Variants in STOX2 observed in about 807,000 individuals in gnomAD.
STOX2 encodes the protein storkhead box 2.
In STOX2, 28 loss-of-function variants were observed where a neutral mutation model predicts 60.9. That is an observed-to-expected ratio of 0.46 (90% CI 0.34 to 0.63). The LOEUF is 0.63. STOX2 is among the 30% of genes least tolerant of loss of function. The probability of loss-of-function intolerance (pLI) is 0.01; values close to 1 mark genes in which losing one functional copy is unlikely to be tolerated. For synonymous variants in STOX2, 472 were observed against 463.9 expected (o/e 1.02, Z -0.22); for missense variants, 1,024 against 1,187.7 (o/e 0.86, Z 2.03).
upstream of STOX2, among the ~76,000 whole-genome samples, chr4:183,902,223 A>G (rs1436492328): frequency 6.6e-6 from 1 of 152,212 alleles, no homozygotes; most frequent in Non-Finnish European, 1.5e-5. Context: ...AAATTCATTC[A>G]ACTGTAGCAA....
At chr4:183,931,820 A>G (rs951306461) in intron 1 of STOX2, among the ~76,000 whole-genome samples, 1 of 152,236 alleles carries the variant, frequency 6.6e-6, no homozygotes, top group Non-Finnish European at 1.5e-5. Context: ...TGGTTACCCT[A>G]TGCATGAGGG....
intron 1 of STOX2, among the ~76,000 whole-genome samples, chr4:183,966,104 G>A (rs1196447201): frequency 6.6e-6 from 1 of 152,044 alleles, no homozygotes; most frequent in East Asian, 1.9e-4. Flanking sequence ...AAGACAGGTG[G>A]GTCAGGCAAT....
chr4:183,804,516 G>A (rs541193852), intron 1 of STOX2, among the ~76,000 whole-genome samples: 1 of 152,350 alleles, frequency 6.6e-6, no homozygotes, highest in African/African-American at 2.4e-5. Flanking sequence ...GGTCCTGTGG[G>A]GCCGTGTGGG....
chr4:183,923,117 C>T (rs1296820041), intron 1 of STOX2, among the ~76,000 whole-genome samples: 1 of 152,218 alleles, frequency 6.6e-6, no homozygotes, highest in Admixed American at 6.5e-5. Context: ...CAAGTCCCTG[C>T]TTCAGTTCCT....
At chr4:183,862,325 GC>G (rs1740468249) in intron 1 of STOX2, among the ~76,000 whole-genome samples, 1 of 152,124 alleles carries the variant, frequency 6.6e-6, no homozygotes, top group African/African-American at 2.4e-5. Flanking sequence ...ACAGGCACAT[GC>G]CATCACCCCT....
intron 1 of STOX2, among the ~76,000 whole-genome samples, chr4:183,970,139 C>CGT (rs3042606): frequency 0.18 from 22,596 of 126,730 alleles, 2,025 homozygotes; most frequent in Middle Eastern, 0.25. Context: ...ACTACATGTA[C>CGT]GTGTGTGTGT....
In STOX2 at chr4:183,897,192, T is replaced by C. The variant is rs962204944; in HGVS notation, c.364+99137T>C. Among the ~76,000 whole-genome samples the C allele has an allele frequency of 2.0e-5, 3 of 152,224 alleles. No individual in the cohort carries two copies. In the East Asian group the frequency reaches 5.8e-4, roughly 29 times the overall value. ...AATTCCTACTCTTTTCCTCAACCTG[T>C]AGAGGTTTGGTGACTCAAATCAACT... On this transcript the variant is annotated intron_variant, in intron 1 of 2. Transcript: ENST00000513034.
At chr4:183,826,280 C>T (rs571653075) in intron 1 of STOX2, among the ~76,000 whole-genome samples, 2 of 152,268 alleles carry the variant, frequency 1.3e-5, no homozygotes, top group East Asian at 3.9e-4. Flanking sequence ...CTCATCACCA[C>T]TGCTAGTCCT....
intron 1 of STOX2, among the ~76,000 whole-genome samples, chr4:183,805,546 G>A (rs906363470): frequency 9.2e-5 from 14 of 152,276 alleles, no homozygotes; most frequent in Middle Eastern, 3.4e-3. Context: ...GGTGGCTCAC[G>A]CCTATAATCC....
rs111612658 is a variant in STOX2 at position 183,816,882 on chromosome 4, C to G, written c.364+18827C>G. On this transcript the variant is annotated intron_variant, in intron 1 of 2. Transcript: ENST00000513034. The stretch of plus-strand genomic sequence containing the variant: ...TTTTGTGTCTGCCAAAACTTCTTTG[C>G]AGAGGAAATGGGGATGAAATTCCAG... 8.9e-3 allele frequency among the ~76,000 whole-genome samples: 1,361 copies of G among 152,278 alleles called. 28 individuals carry two copies. The highest frequency in any genetic ancestry group is 0.03 in the African/African-American group (1,266 of 41,534).
At chr4:183,938,669 CAAAAAAAAAA>C (rs10577405) in intron 1 of STOX2, among the ~76,000 whole-genome samples, 15 of 82,510 alleles carry the variant, frequency 1.8e-4, no homozygotes, top group African/African-American at 5.4e-4. Flanking sequence ...ACTCCGTCTC[CAAAAAAAAAA>C]AAAAAAAAAA....
intron 1 of STOX2, among the ~76,000 whole-genome samples, chr4:183,974,918 T>A (rs538914481): frequency 6.6e-6 from 1 of 152,164 alleles, no homozygotes; most frequent in South Asian, 2.1e-4. Context: ...TCAGGGAGCA[T>A]TCAGAAAAAT....
At chr4:183,925,482 C>A (rs55988934) in intron 1 of STOX2, among the ~76,000 whole-genome samples, 3 of 152,088 alleles carry the variant, frequency 2.0e-5, no homozygotes, top group Non-Finnish European at 2.9e-5. Flanking sequence ...CTTCCCCGGC[C>A]CCTCCCCCGG....
intron 1 of STOX2, among the ~76,000 whole-genome samples, chr4:183,823,981 G>A (rs73010516): frequency 0.019 from 2,872 of 152,228 alleles, 101 homozygotes; most frequent in African/African-American, 0.066. Flanking sequence ...TCCCAGATAC[G>A]CAGACATGTG....
At chr4:183,862,261 T>A (rs1338398791) in intron 1 of STOX2, among the ~76,000 whole-genome samples, 1 of 152,170 alleles carries the variant, frequency 6.6e-6, no homozygotes, top group Non-Finnish European at 1.5e-5. Flanking sequence ...TTGCAACCTC[T>A]GCCTCCTGGG....
chr4:183,873,727 A>C (rs1041610665), intron 1 of STOX2, among the ~76,000 whole-genome samples: 1 of 152,202 alleles, frequency 6.6e-6, no homozygotes, highest in African/African-American at 2.4e-5. Flanking sequence ...AAGCTACTTA[A>C]ATCAGGCATA....
rs761481784 is a variant in STOX2, at chr4:184,021,023, T to C, written c.*3739T>C. ...ATAAACCACTTATCACCACCAAGTG[T>C]ACTTGAAAATAAAGTTTTTAACTTA... On this transcript the variant is annotated 3_prime_UTR_variant, in exon 4 of 4. Coordinates refer to ENST00000308497, the MANE Select transcript of STOX2 (RefSeq NM_020225.3). 6.6e-6 allele frequency: 1 copy of C among 152,272 alleles called. No homozygotes were observed. Among genetic ancestry groups the C allele is most frequent in the Non-Finnish European group, 1.5e-5 (1 of 68,054 alleles). 9.4% of individuals were successfully genotyped at this position (152,272 alleles called of 1,614,324 possible). A position where few individuals can be genotyped will look rare whatever the true frequency, so the allele number is the denominator to read the frequency against.
chr4:183,992,886 G>A (rs752774611), intron 1 of STOX2, among the ~76,000 whole-genome samples: 5 of 152,226 alleles, frequency 3.3e-5, no homozygotes, highest in Non-Finnish European at 5.9e-5. Flanking sequence ...TGCCTAGCAC[G>A]TACCACCCTG....
chr4:183,998,993 A>G (rs1328040050), intron 1 of STOX2, among the ~76,000 whole-genome samples: 1 of 152,124 alleles, frequency 6.6e-6, no homozygotes, highest in African/African-American at 2.4e-5. Context: ...GCAGTGAGCT[A>G]TGATTGTGCC....
Sources: gnomAD v4.1 joint callset for allele counts (sites outside exome capture counted in the v4.1 genomes callset) on GRCh38, gnomAD v4.1.1 for gene constraint, MANE v1.5 for transcripts, NCBI Gene and HGNC (gene_info 2026-07-23, HGNC 2026-07-21) for gene names.